Variants in CORIN observed in about 807,000 individuals in gnomAD.
CORIN encodes the protein corin, serine peptidase, also known as atrial natriuretic peptide-converting enzyme.
Under a neutral mutation model 125.3 loss-of-function variants are expected in CORIN, and 117 were observed. The ratio of observed to expected loss-of-function variants is 0.93; its 90% CI spans 0.80 to 1.09. CORIN has a LOEUF of 1.09. Ranked by LOEUF, CORIN falls within the 50% of genes least tolerant of loss-of-function variation. CORIN has a pLI of 0.00. For missense variants in CORIN, 1,253 were observed against 1,306.7 expected, an observed-to-expected ratio of 0.96 and a Z score of 0.63; for synonymous variants, 450 against 466.4, an observed-to-expected ratio of 0.96 and a Z score of 0.45.
intron 6 of CORIN, among the ~76,000 whole-genome samples, chr4:47,690,751 A>G (rs1560507060): frequency 1.3e-5 from 2 of 152,184 alleles, no homozygotes; most frequent in African/African-American, 2.4e-5. Flanking sequence ...ATTCACATCC[A>G]AGGCCTAATT....
intron 3 of CORIN, among the ~76,000 whole-genome samples, chr4:47,769,814 T>C (rs1729935996): frequency 6.6e-6 from 1 of 151,518 alleles, no homozygotes; most frequent in Non-Finnish European, 1.5e-5. Flanking sequence ...GATATAAAGA[T>C]TTAGAAGAAT....
intron 7 of CORIN, chr4:47,683,163 T>C (rs558655208): frequency 1.3e-5 from 2 of 152,344 alleles, no homozygotes; most frequent in South Asian, 4.1e-4. Flanking sequence ...CTGATTTTAA[T>C]TCATGAGATG....
intron 19 of CORIN, among the ~76,000 whole-genome samples, chr4:47,623,096 C>CTCTCTCTATATATATA (rs771867590): frequency 5.3e-4 from 54 of 102,290 alleles, no homozygotes; most frequent in African/African-American, 1.4e-3. Context: ...CTCTCTCTCT[C>CTCTCTCTATATATATA]TATATATATA....
chr4:47,703,161 G>T (rs1726387998), intron 5 of CORIN, among the ~76,000 whole-genome samples: 1 of 152,122 alleles, frequency 6.6e-6, no homozygotes. Context: ...TGAAGCCCTA[G>T]GTCAGCACTC....
chr4:47,776,755 T>A (rs1219778978), intron 3 of CORIN, among the ~76,000 whole-genome samples: 1 of 152,240 alleles, frequency 6.6e-6, no homozygotes, highest in African/African-American at 2.4e-5. Context: ...AACAGCAATG[T>A]TGGCCTTCCC....
chr4:47,622,830 A>G (rs543030454), intron 19 of CORIN, among the ~76,000 whole-genome samples: 64 of 152,080 alleles, frequency 4.2e-4, no homozygotes, highest in Non-Finnish European at 2.1e-4. Flanking sequence ...GAATCACATA[A>G]GCCAATTATG....
chr4:47,797,283 T>C (rs1731338642), intron 2 of CORIN, among the ~76,000 whole-genome samples: 1 of 150,314 alleles, frequency 6.7e-6, no homozygotes, highest in South Asian at 2.1e-4. Context: ...TATATGTATA[T>C]GTAAAATTTG....
At chr4:47,798,133 T>A (rs551298289) in intron 2 of CORIN, among the ~76,000 whole-genome samples, 1 of 152,298 alleles carries the variant, frequency 6.6e-6, no homozygotes, top group South Asian at 2.1e-4. Context: ...TAGCTCTAGC[T>A]TCAGTTTAGT....
intron 5 of CORIN, among the ~76,000 whole-genome samples, chr4:47,694,133 G>C (rs28552537): frequency 0.049 from 7,464 of 152,200 alleles, 575 homozygotes; most frequent in African/African-American, 0.17. Context: ...TACTGTTACA[G>C]CCATTGAAAA....
chr4:47,595,744 T>C lies in CORIN; in HGVS notation c.3106A>G (p.Ile1036Val). 1 of 1,609,536 alleles carries C rather than the reference T, an allele frequency of 6.2e-7. No individual in the cohort carries two copies. Among genetic ancestry groups the C allele is most frequent in the Non-Finnish European group, 8.5e-7 (1 of 1,178,676 alleles). The change falls in exon 22 of 22, where the codon ATC becomes GTC. Residue 1036 changes from isoleucine (I) to valine (V), a missense_variant. Coordinates refer to ENST00000273857, the MANE Select transcript of CORIN (RefSeq NM_006587.4). ...AATTAGTTTAGGAGAAAGGTCTGGA[T>C]GTAAATCTGTCTTTTAATCCATTCG... ...FVEWIKRQIY[I>V]QTFLLN
Position 47,744,592 on chromosome 4 carries a change from A to T in CORIN, c.618-9T>A. ...AGGGCAGGAGTCCATGACTAAAAAA[A>T]AAAAAAGAGAAAGGTGAAAATTAGT... On this transcript the variant is annotated splice_polypyrimidine_tract_variant and intron_variant, in intron 4 of 21. Transcript: ENST00000273857. 1 of 1,562,574 alleles carries T rather than the reference A, an allele frequency of 6.4e-7. No homozygotes were observed. The highest frequency in any genetic ancestry group is 8.6e-7 in the Non-Finnish European group (1 of 1,160,186).
chr4:47,617,749 C>T (rs1560474261), intron 19 of CORIN, among the ~76,000 whole-genome samples: 2 of 152,144 alleles, frequency 1.3e-5, no homozygotes, highest in Non-Finnish European at 2.9e-5. Context: ...TTCATACACT[C>T]CTAGAAGATA....
chr4:47,642,197 C>T lies in CORIN; in HGVS notation c.2069-148G>A, dbSNP rs965821044. ...TGATGTGTACCTACCCTGTGCAAATCACTGCCTTCAGTGTGCTAGAGGGCT... is the reference window on the plus strand; with the variant it reads ...TGATGTGTACCTACCCTGTGCAAATTACTGCCTTCAGTGTGCTAGAGGGCT... On this transcript the variant is annotated intron_variant, in intron 15 of 21. Transcript: ENST00000273857. 8.1e-6 allele frequency: 6 copies of T among 744,888 alleles called. No individual in the cohort carries two copies. The East Asian group carries it at 2.0e-4, about 25-fold the overall frequency. The allele number at this position is 744,888 out of a possible 1,614,324, so 46.1% of individuals were successfully genotyped here.
At chr4:47,642,817 A>AGCACCTCTATGC in intron 15 of CORIN, 1 of 1,447,220 alleles carries the variant, frequency 6.9e-7, no homozygotes, top group Non-Finnish European at 9.0e-7. Context: ...GAGGTGACAA[A>AGCACCTCTATGC]AGAATGGCAG....
chr4:47,779,561 G>C (rs879565755), intron 3 of CORIN, among the ~76,000 whole-genome samples: 1 of 151,348 alleles, frequency 6.6e-6, no homozygotes, highest in Non-Finnish European at 1.5e-5. Flanking sequence ...TCAGCCTCCC[G>C]AGTAGCTGGG....
chr4:47,609,771 A>G (rs1721802764), intron 19 of CORIN, among the ~76,000 whole-genome samples: 1 of 151,970 alleles, frequency 6.6e-6, no homozygotes, highest in South Asian at 2.1e-4. Context: ...CCTACCCCCA[A>G]CAGGCCTCAG....
chr4:47,717,524 A>G (rs1340895903), intron 5 of CORIN, among the ~76,000 whole-genome samples: 1 of 152,164 alleles, frequency 6.6e-6, no homozygotes, highest in Non-Finnish European at 1.5e-5. Flanking sequence ...ACTGGCTCAG[A>G]CCACATTCAA....
Position 47,837,941 on chromosome 4 carries a change from C to CT in CORIN, c.8dup (p.Ser4ValfsTer23), listed in dbSNP as rs199972616. ...GCTCTTCCGGAGCGAGGGCAGGAGA[C>CT]TGTTTCATGGATAAAAAGTCTCGCT... On this transcript the variant is annotated frameshift_variant, in exon 1 of 22. Transcript: ENST00000273857. LOFTEE classifies it high-confidence loss of function. The CT allele has an allele frequency of 3.9e-4, 629 of 1,613,208 alleles. 4 individuals carry two copies. In the East Asian group the frequency reaches 0.013, roughly 33 times the overall value.
At chr4:47,696,586 A>G (rs1013832025) in intron 5 of CORIN, among the ~76,000 whole-genome samples, 2 of 152,222 alleles carry the variant, frequency 1.3e-5, no homozygotes, top group African/African-American at 4.8e-5. Context: ...CAGTTAATTA[A>G]TACTACTGCA....
Sources: allele counts gnomAD v4.1 joint callset (sites outside exome capture counted in the v4.1 genomes callset), GRCh38; gene constraint gnomAD v4.1.1; transcripts MANE v1.5; gene names NCBI Gene and HGNC (gene_info 2026-07-23, HGNC 2026-07-21).